Variants in LRRIQ3 observed in about 807,000 individuals in gnomAD.
The protein encoded by LRRIQ3 is leucine rich repeats and IQ motif containing 3.
A neutral mutation model predicts 59.3 loss-of-function variants in LRRIQ3; 75 were observed. The observed-to-expected ratio is 1.26, with a 90% confidence interval of 1.05 to 1.53. LRRIQ3 has a LOEUF of 1.53. Ranked by LOEUF, LRRIQ3 falls within the 40% of genes most tolerant of loss-of-function variation. LRRIQ3 has a pLI of 0.00. For synonymous variants in LRRIQ3, 250 were observed against 231.3 expected, an observed-to-expected ratio of 1.08 and a Z score of -0.73; for missense variants, 831 against 710.0, an observed-to-expected ratio of 1.17 and a Z score of -1.94.
At chr1:74,196,193 T>A (rs1651106172) in intron 1 of LRRIQ3, among the ~76,000 whole-genome samples, 1 of 152,158 alleles carries the variant, frequency 6.6e-6, no homozygotes. Context: ...ATATTCTGTA[T>A]GATACCGTCC....
At chr1:74,101,863 A>G (rs1646537903) in intron 5 of LRRIQ3, among the ~76,000 whole-genome samples, 1 of 152,102 alleles carries the variant, frequency 6.6e-6, no homozygotes, top group South Asian at 2.1e-4. Context: ...GAACAATGAG[A>G]ACACTTGGAC....
At chr1:74,093,794 A>G (rs920172789) in intron 5 of LRRIQ3, among the ~76,000 whole-genome samples, 15 of 152,080 alleles carry the variant, frequency 9.9e-5, no homozygotes, top group African/African-American at 3.6e-4. Context: ...TCCATTGCCA[A>G]CTGTCTTTTG....
chr1:74,153,287 A>G (rs1648100803), intron 4 of LRRIQ3, among the ~76,000 whole-genome samples: 1 of 152,158 alleles, frequency 6.6e-6, no homozygotes, highest in Admixed American at 6.5e-5. Context: ...TAATAGCATT[A>G]ATCATAATAA....
At chr1:74,101,159 T>C (rs1358472089) in intron 5 of LRRIQ3, among the ~76,000 whole-genome samples, 1 of 152,122 alleles carries the variant, frequency 6.6e-6, no homozygotes, top group Non-Finnish European at 1.5e-5. Flanking sequence ...AATCTACTCA[T>C]CTGACAAAGG....
At chr1:74,108,007 A>G (rs892801170) in intron 5 of LRRIQ3, among the ~76,000 whole-genome samples, 178 of 151,912 alleles carry the variant, frequency 1.2e-3, no homozygotes, top group African/African-American at 4.2e-3. Context: ...ACAATGGTAC[A>G]TTTTATATAA....
intron 4 of LRRIQ3, among the ~76,000 whole-genome samples, chr1:74,121,594 T>TA (rs1646857002): frequency 6.6e-6 from 1 of 152,194 alleles, no homozygotes; most frequent in African/African-American, 2.4e-5. Flanking sequence ...TCTGTTTTTT[T>TA]AATTATACTT....
intron 1 of LRRIQ3, among the ~76,000 whole-genome samples, chr1:74,196,199 C>T (rs990434037): frequency 3.3e-5 from 5 of 151,902 alleles, no homozygotes; most frequent in Admixed American, 3.3e-4. Context: ...TGTATGATAC[C>T]GTCCTAGATC....
At chr1:74,164,687 T>A (rs980137817) in intron 3 of LRRIQ3, among the ~76,000 whole-genome samples, 37 of 151,572 alleles carry the variant, frequency 2.4e-4, no homozygotes, top group African/African-American at 8.5e-4. Context: ...CATTTTATCA[T>A]TTATTCCTTT....
chr1:74,079,712 T>C (rs891195258), intron 5 of LRRIQ3, among the ~76,000 whole-genome samples: 8 of 151,872 alleles, frequency 5.3e-5, no homozygotes, highest in African/African-American at 1.9e-4. Context: ...ATTCATTAAA[T>C]GCTGAATGAA....
At chr1:74,183,181 A>T (rs1650110982) in intron 2 of LRRIQ3, 1 of 324,056 alleles carries the variant, frequency 3.1e-6, no homozygotes, top group Non-Finnish European at 5.5e-6. Flanking sequence ...TTAAGGAATC[A>T]TGAGGCATTC....
At chr1:74,097,312 T>A (rs1350720112) in intron 5 of LRRIQ3, among the ~76,000 whole-genome samples, 1 of 152,212 alleles carries the variant, frequency 6.6e-6, no homozygotes, top group East Asian at 1.9e-4. Flanking sequence ...AGGGTATCAG[T>A]GATTGAAGAT....
At chr1:74,164,440 A>G (rs1005722643) in intron 3 of LRRIQ3, among the ~76,000 whole-genome samples, 1 of 151,526 alleles carries the variant, frequency 6.6e-6, no homozygotes, top group Non-Finnish European at 1.5e-5. Context: ...CCAATGAGAG[A>G]GTCTTCAGAA....
intron 4 of LRRIQ3, among the ~76,000 whole-genome samples, chr1:74,139,092 G>GTA (rs1647181346): frequency 1.4e-5 from 2 of 138,708 alleles, no homozygotes; most frequent in Admixed American, 7.4e-5. Context: ...GTATGTGTGT[G>GTA]TGTATATATA....
At chr1:74,113,851 C>A (rs1431740116) in intron 4 of LRRIQ3, among the ~76,000 whole-genome samples, 2 of 151,744 alleles carry the variant, frequency 1.3e-5, no homozygotes. Context: ...AGAATGCTGG[C>A]AAAGGTAATT....
chr1:74,085,243 T>A (rs773007837), intron 5 of LRRIQ3, among the ~76,000 whole-genome samples: 35 of 150,594 alleles, frequency 2.3e-4, no homozygotes, highest in Non-Finnish European at 4.0e-4. Flanking sequence ...GCTTTTTAAA[T>A]GCAACAGATA....
intron 6 of LRRIQ3, among the ~76,000 whole-genome samples, chr1:74,057,254 A>G (rs1471903367): frequency 6.6e-6 from 1 of 152,084 alleles, no homozygotes; most frequent in Non-Finnish European, 1.5e-5. Flanking sequence ...TGAATATCCA[A>G]AGCAACTCTG....
chr1:74,152,630 T>C (rs1648064046), intron 4 of LRRIQ3, among the ~76,000 whole-genome samples: 1 of 152,152 alleles, frequency 6.6e-6, no homozygotes, highest in Non-Finnish European at 1.5e-5. Context: ...AACATGAAAT[T>C]ATGATGGAAA....
chr1:74,114,934 T>C (rs1159101348), intron 4 of LRRIQ3, among the ~76,000 whole-genome samples: 1 of 152,020 alleles, frequency 6.6e-6, no homozygotes, highest in East Asian at 1.9e-4. Context: ...CCTTTTATTC[T>C]TAATATTTTA....
intron 6 of LRRIQ3, chr1:74,050,704 T>C (rs1654344718): frequency 8.4e-6 from 2 of 237,258 alleles, no homozygotes; most frequent in Non-Finnish European, 1.4e-5. Context: ...TATAGCCTTA[T>C]GTGATACATA....
Sources: allele counts gnomAD v4.1 joint callset (sites outside exome capture counted in the v4.1 genomes callset), GRCh38; gene constraint gnomAD v4.1.1; transcripts MANE v1.5; gene names NCBI Gene and HGNC (gene_info 2026-07-23, HGNC 2026-07-21).